The following RANBP2 variants were observed in gnomAD, a reference collection of about 807,000 sequenced individuals.
RANBP2 encodes E3 SUMO-protein ligase RanBP2.
A neutral mutation model predicts 303.6 loss-of-function variants in RANBP2; 57 were observed. The observed-to-expected ratio is 0.19, with a 90% CI of 0.15 to 0.23. RANBP2 has a LOEUF of 0.23. Among genes scored for constraint, RANBP2 ranks in the 10% least tolerant of loss-of-function variants. RANBP2 has a pLI of 1.00. For missense variants in RANBP2, 3,138 were observed against 3,780.8 expected (o/e 0.83, Z 4.46); for synonymous variants, 1,167 against 1,301.5 (o/e 0.90, Z 2.23).
the RANBP2 span, among the ~76,000 whole-genome samples, chr2:109,339,095 C>A: frequency 6.6e-6 from 1 of 152,268 alleles, no homozygotes; most frequent in Admixed American, 6.5e-5. Flanking sequence ...TCATCATCTT[C>A]ACGTTGTGTG....
At chr2:109,222,760 G>T in the RANBP2 span, among the ~76,000 whole-genome samples, 7 of 152,236 alleles carry the variant, frequency 4.6e-5, no homozygotes, top group African/African-American at 1.7e-4. Context: ...TGTTAAATTA[G>T]GTGGTCTGCC....
chr2:108,914,140 A>G, the RANBP2 span, among the ~76,000 whole-genome samples: 1 of 151,384 alleles, frequency 6.6e-6, no homozygotes, highest in Admixed American at 6.6e-5. Flanking sequence ...CATGCCTGTA[A>G]TCCCAGCTAC....
the RANBP2 span, among the ~76,000 whole-genome samples, chr2:109,329,864 G>A: frequency 6.6e-6 from 1 of 152,190 alleles, no homozygotes; most frequent in African/African-American, 2.4e-5. Flanking sequence ...AGAAATAAAA[G>A]TTATATGAAT....
At chr2:109,198,965 G>A in the RANBP2 span, among the ~76,000 whole-genome samples, 1 of 152,168 alleles carries the variant, frequency 6.6e-6, no homozygotes, top group Non-Finnish European at 1.5e-5. Flanking sequence ...CATGGTATAT[G>A]CAGTCATCAT....
chr2:109,349,647 C>T, the RANBP2 span, among the ~76,000 whole-genome samples: 427 of 152,296 alleles, frequency 2.8e-3, no homozygotes, highest in Middle Eastern at 6.8e-3. Flanking sequence ...CCAGGCTTGG[C>T]GGGCTCCAGG....
the RANBP2 span, among the ~76,000 whole-genome samples, chr2:108,997,440 C>CTA: frequency 2.0e-5 from 1 of 49,954 alleles, no homozygotes; most frequent in African/African-American, 9.6e-5. Flanking sequence ...GACTCTGTCT[C>CTA]AAAAAAAAAA....
intron 6 of RANBP2, among the ~76,000 whole-genome samples, chr2:108,738,556 C>T (rs1695815274): frequency 6.6e-6 from 1 of 151,012 alleles, no homozygotes; most frequent in Admixed American, 6.6e-5. Context: ...GTGTTTATTA[C>T]ATTAGAAATT....
At chr2:108,731,097 G>GT (rs1394745484) in intron 3 of RANBP2, among the ~76,000 whole-genome samples, 2 of 152,052 alleles carry the variant, frequency 1.3e-5, no homozygotes, top group Admixed American at 6.6e-5. Context: ...GTTCTTTTGT[G>GT]TTTTTTGTAT....
chr2:109,226,950 G>A, the RANBP2 span, among the ~76,000 whole-genome samples: 2 of 152,168 alleles, frequency 1.3e-5, no homozygotes, highest in Admixed American at 6.5e-5. Context: ...CACCATGGCC[G>A]GGTTCATGGC....
chr2:109,661,478 C>T, the RANBP2 span, among the ~76,000 whole-genome samples: 2 of 152,134 alleles, frequency 1.3e-5, no homozygotes, highest in Admixed American at 6.5e-5. Context: ...GAACTCCTGA[C>T]CTCGTGATCT....
the RANBP2 span, among the ~76,000 whole-genome samples, chr2:109,246,184 A>G: frequency 1.3e-5 from 2 of 152,208 alleles, no homozygotes; most frequent in African/African-American, 4.8e-5. Flanking sequence ...TAGGCTTTTC[A>G]AGCTGCTGTA....
the RANBP2 span, among the ~76,000 whole-genome samples, chr2:109,172,881 C>G: frequency 2.0e-5 from 3 of 152,194 alleles, no homozygotes; most frequent in African/African-American, 7.2e-5. Context: ...TATTTCTCTT[C>G]CAAAATAAAC....
chr2:108,834,801 A>G, the RANBP2 span, among the ~76,000 whole-genome samples: 16,732 of 152,150 alleles, frequency 0.11, 1,406 homozygotes, highest in African/African-American at 0.24. Context: ...TCTACTTTCT[A>G]TCTCTATGAA....
the RANBP2 span, among the ~76,000 whole-genome samples, chr2:109,186,476 C>G: frequency 7.2e-5 from 11 of 152,214 alleles, no homozygotes; most frequent in African/African-American, 2.4e-4. Context: ...CGTGGGAGTT[C>G]AAGGTGTGTG....
the RANBP2 span, among the ~76,000 whole-genome samples, chr2:108,864,039 G>A: frequency 6.6e-6 from 1 of 150,670 alleles, no homozygotes; most frequent in Admixed American, 6.6e-5. Flanking sequence ...TCTTTCTCAT[G>A]TGTAACACTA....
At chr2:108,781,932 T>G (rs1678283576) in intron 26 of RANBP2, among the ~76,000 whole-genome samples, 196 bp from the exon 27 acceptor site, 1 of 152,208 alleles carries the variant, frequency 6.6e-6, no homozygotes, top group Non-Finnish European at 1.5e-5. Context: ...AGAAAATGTT[T>G]AATGATAAAT....
the RANBP2 span, chr2:109,614,076 C>T: frequency 8.3e-7 from 1 of 1,211,678 alleles, no homozygotes; most frequent in Non-Finnish European, 1.0e-6. Flanking sequence ...CAGGAGCTAC[C>T]CTCGACGCCT....
the RANBP2 span, among the ~76,000 whole-genome samples, chr2:108,858,980 G>A: frequency 1.3e-5 from 2 of 152,150 alleles, no homozygotes; most frequent in Non-Finnish European, 2.9e-5. Context: ...GCTGCAATAA[G>A]CATGAGAGTG....
At chr2:109,274,312 G>A in the RANBP2 span, among the ~76,000 whole-genome samples, 4 of 152,148 alleles carry the variant, frequency 2.6e-5, no homozygotes, top group Non-Finnish European at 4.4e-5. Flanking sequence ...TTAAAAAACA[G>A]GTGGTCAAAC....
Sources: allele counts gnomAD v4.1 joint callset (sites outside exome capture counted in the v4.1 genomes callset), GRCh38; gene constraint gnomAD v4.1.1; transcripts MANE v1.5; gene names NCBI Gene and HGNC (gene_info 2026-07-23, HGNC 2026-07-21).